Variants in CPEB3 observed in about 807,000 individuals in gnomAD.
CPEB3 encodes the protein cytoplasmic polyadenylation element-binding protein 3.
CPEB3 carries 20 observed loss-of-function variants against 67.2 expected under a neutral mutation model. The observed-to-expected ratio is 0.30, with a 90% CI of 0.21 to 0.43. CPEB3 has a LOEUF of 0.43. Ranked by LOEUF, CPEB3 falls within the 20% of genes least tolerant of loss-of-function variation. The pLI is 1.00. For synonymous variants in CPEB3, 376 were observed against 393.1 expected (o/e 0.96, Z 0.51); for missense variants, 746 against 968.6 (o/e 0.77, Z 3.05).
At chr10:92,180,892 T>C (rs1479976276) in intron 4 of CPEB3, 71 bp downstream of exon 4, 1 of 835,246 alleles carries the variant, frequency 1.2e-6, no homozygotes, top group African/African-American at 1.7e-5. Flanking sequence ...TAACCAACAA[T>C]CAAGAATGTA....
chr10:92,192,450 AGAAATGGACATAT>A lies in CPEB3; in HGVS notation c.1165+14_1165+26del. 6.4e-7 allele frequency: 1 copy of A among 1,561,580 alleles called. No individual in the cohort carries two copies. Among genetic ancestry groups the A allele is most frequent in the Non-Finnish European group, 8.7e-7 (1 of 1,152,520 alleles). Reference sequence around the variant, plus strand: ...TGATTTTTGCTTAAAACACCAAGCAAGAAATGGACATATGAATATTCCTAACCTGCAAAATGAT... The same window carrying A: ...TGATTTTTGCTTAAAACACCAAGCAAGAATATTCCTAACCTGCAAAATGAT... On this transcript the variant is annotated intron_variant, in intron 3 of 9. Coordinates refer to ENST00000265997, the MANE Select transcript of CPEB3 (RefSeq NM_014912.5).
rs561620184 is a variant in CPEB3, at chr10:92,148,985, C to T, written c.1223-3900G>A. Among the ~76,000 whole-genome samples the T allele has an allele frequency of 4.0e-5, 6 of 150,940 alleles. No homozygotes were observed. In the South Asian group the frequency reaches 1.3e-3, roughly 32 times the overall value. On this transcript the variant is annotated intron_variant, in intron 4 of 9. Transcript: ENST00000265997. ...GCACAATCTTGGCTCACTGCAACCT[C>T]TGCCTCCCAGGTTCAAAGGATTCTC...
intron 1 of CPEB3, among the ~76,000 whole-genome samples, chr10:92,251,611 T>TATCC (rs1852305532): frequency 6.6e-6 from 1 of 152,130 alleles, no homozygotes; most frequent in Non-Finnish European, 1.5e-5. Context: ...GTCAACTGAA[T>TATCC]ATCCATATGG....
intron 1 of CPEB3, among the ~76,000 whole-genome samples, chr10:92,260,660 A>G (rs1312436909): frequency 6.6e-6 from 1 of 151,978 alleles, no homozygotes; most frequent in East Asian, 1.9e-4. Flanking sequence ...GCTGGAGTGC[A>G]ATAGTGCACC....
At chr10:92,148,187 A>G (rs1202929477) in intron 4 of CPEB3, among the ~76,000 whole-genome samples, 3 of 152,206 alleles carry the variant, frequency 2.0e-5, no homozygotes, top group Non-Finnish European at 4.4e-5. Context: ...GTACAAAAAC[A>G]TAACTGTGAA....
rs143885193 is a variant in CPEB3, at chr10:92,205,983, G to T, written c.1006-13347C>A. ...TATTAAAATATTTGGTATTTAGAAG[G>T]TTAAAAAATTTTACTTTAAAATAAA... On this transcript the variant is annotated intron_variant, in intron 2 of 9. Transcript: ENST00000265997. 1.8e-3 allele frequency among the ~76,000 whole-genome samples: 274 copies of T among 151,750 alleles called. 1 individual carries two copies. The highest frequency in any genetic ancestry group is 6.4e-3 in the African/African-American group (266 of 41,328).
chr10:92,110,737 G>A (rs754442057), intron 7 of CPEB3, among the ~76,000 whole-genome samples: 9 of 152,126 alleles, frequency 5.9e-5, no homozygotes, highest in South Asian at 2.1e-4. Flanking sequence ...AAATAACTCC[G>A]TTCTTGATCT....
rs1323051166 is a variant in CPEB3 at position 92,206,990 on chromosome 10, T to G, written c.1006-14354A>C. Among the ~76,000 whole-genome samples, 3 of 151,260 alleles carry G rather than the reference T, an allele frequency of 2.0e-5. No homozygotes were observed. In the East Asian group the frequency reaches 5.8e-4, roughly 29 times the overall value. ...ATGAGAAGGTACACTTCTTTTTTCCTTTTTTTTTGTTTTGAGACAGGGTCT... is the reference window on the plus strand; with the variant it reads ...ATGAGAAGGTACACTTCTTTTTTCCGTTTTTTTTGTTTTGAGACAGGGTCT... On this transcript the variant is annotated intron_variant, in intron 2 of 9. Transcript: ENST00000265997.
intron 7 of CPEB3, among the ~76,000 whole-genome samples, chr10:92,099,750 G>A (rs1844082522): frequency 6.6e-6 from 1 of 151,568 alleles, no homozygotes; most frequent in African/African-American, 2.4e-5. Context: ...TAAAATCCCA[G>A]CTTCTCGGGA....
intron 1 of CPEB3, among the ~76,000 whole-genome samples, chr10:92,262,353 A>G (rs539689889): frequency 6.6e-6 from 1 of 152,338 alleles, no homozygotes; most frequent in East Asian, 1.9e-4. Flanking sequence ...AATAACAACA[A>G]ATATTTATTG....
At chr10:92,177,839 A>G (rs564877854) in intron 4 of CPEB3, among the ~76,000 whole-genome samples, 3 of 152,208 alleles carry the variant, frequency 2.0e-5, no homozygotes, top group Non-Finnish European at 4.4e-5. Flanking sequence ...AACTGAGGCC[A>G]TATCTTTAGG....
intron 6 of CPEB3, among the ~76,000 whole-genome samples, chr10:92,121,467 G>A (rs1261215300): frequency 2.7e-5 from 4 of 150,390 alleles, no homozygotes. Context: ...GGTGAATCTA[G>A]AAGAAAGCTA....
chr10:92,240,310 G>A lies in CPEB3; in HGVS notation c.41C>T (p.Pro14Leu), dbSNP rs1321346820. 8 of 1,505,820 alleles carry A rather than the reference G, an allele frequency of 5.3e-6. No individual in the cohort carries two copies. Among genetic ancestry groups the A allele is most frequent in the Admixed American group, 2.4e-5 (1 of 41,854 alleles). The allele number at this position is 1,505,820 out of a possible 1,614,324, so 93.3% of individuals were successfully genotyped here. ...DLLMDKSKTQ[P>L]QPQQQQRQQQ... Reference sequence around the variant, plus strand: ...CTGCCGCTGCTGCTGCTGGGGCTGGGGCTGGGTTTTGCTTTTGTCCATCAG... The same window carrying A: ...CTGCCGCTGCTGCTGCTGGGGCTGGAGCTGGGTTTTGCTTTTGTCCATCAG... Residue 14 changes from proline (P) to leucine (L), a missense_variant, in exon 2 of 10, where the codon CCC becomes CTC. Transcript: ENST00000265997.
chr10:92,227,121 G>C (rs1851014354), intron 2 of CPEB3, among the ~76,000 whole-genome samples: 1 of 152,184 alleles, frequency 6.6e-6, no homozygotes, highest in Non-Finnish European at 1.5e-5. Flanking sequence ...GTGTTTGTGA[G>C]ATTCCAAAAC....
intron 4 of CPEB3, among the ~76,000 whole-genome samples, chr10:92,145,924 A>G (rs1361455329): frequency 6.6e-6 from 1 of 152,224 alleles, no homozygotes; most frequent in African/African-American, 2.4e-5. Context: ...TAGTGGAACT[A>G]AAGATCATCA....
intron 1 of CPEB3, among the ~76,000 whole-genome samples, chr10:92,275,635 T>C (rs1841943756): frequency 6.6e-6 from 1 of 152,114 alleles, no homozygotes; most frequent in Non-Finnish European, 1.5e-5. Context: ...TAGACCATTT[T>C]CATCAACCCA....
intron 4 of CPEB3, among the ~76,000 whole-genome samples, chr10:92,155,754 T>C (rs892417781): frequency 1.3e-5 from 2 of 152,152 alleles, no homozygotes; most frequent in African/African-American, 2.4e-5. Context: ...ACCAAGTCAT[T>C]CTAGGAAATA....
chr10:92,142,890 G>T, intron 6 of CPEB3, 139 bp downstream of exon 6: 1 of 551,602 alleles, frequency 1.8e-6, no homozygotes. Context: ...ATACACAAAA[G>T]GATGATCAAC....
At chr10:92,274,989 A>G (rs556775600) in intron 1 of CPEB3, among the ~76,000 whole-genome samples, 32 of 152,272 alleles carry the variant, frequency 2.1e-4, no homozygotes, top group African/African-American at 7.2e-4. Flanking sequence ...GAATAAAAAC[A>G]GGGCCGAACC....
Sources: allele counts gnomAD v4.1 joint callset (sites outside exome capture counted in the v4.1 genomes callset), GRCh38; gene constraint gnomAD v4.1.1; transcripts MANE v1.5; gene names NCBI Gene and HGNC (gene_info 2026-07-23, HGNC 2026-07-21).